The following TSPAN5 variants were observed in gnomAD, a reference collection of about 807,000 sequenced individuals.
TSPAN5 encodes the protein tetraspanin-5.
A neutral mutation model predicts 37.1 loss-of-function variants in TSPAN5; 10 were observed. That is an observed-to-expected ratio of 0.27 (90% confidence interval 0.17 to 0.46). The LOEUF (loss-of-function observed/expected upper bound fraction) is 0.46. Among genes scored for constraint, TSPAN5 ranks in the 20% least tolerant of loss-of-function variants. The pLI is 1.00. For synonymous variants in TSPAN5, 110 were observed against 118.9 expected (o/e 0.93, Z 0.48); for missense variants, 195 against 326.6 (o/e 0.60, Z 3.11).
At chr4:98,580,937 C>CA (rs963517321) in intron 1 of TSPAN5, among the ~76,000 whole-genome samples, 42 of 152,260 alleles carry the variant, frequency 2.8e-4, no homozygotes, top group African/African-American at 9.4e-4. Context: ...GCTAGATCTC[C>CA]ACTTTCTCCT....
chr4:98,592,421 GT>G (rs1204813183), intron 1 of TSPAN5, among the ~76,000 whole-genome samples: 1 of 95,280 alleles, frequency 1.0e-5, no homozygotes, highest in Admixed American at 1.2e-4. Flanking sequence ...AGGGATCTCT[GT>G]TTTTTGTTTT....
At chr4:98,561,757 TG>T (rs1204267522) in intron 1 of TSPAN5, among the ~76,000 whole-genome samples, 1 of 152,254 alleles carries the variant, frequency 6.6e-6, no homozygotes, top group African/African-American at 2.4e-5. Flanking sequence ...TGTTATGCGC[TG>T]AGCACTACTA....
At chr4:98,579,455 G>T (rs962770157) in intron 1 of TSPAN5, among the ~76,000 whole-genome samples, 2 of 152,168 alleles carry the variant, frequency 1.3e-5, no homozygotes, top group Non-Finnish European at 1.5e-5. Context: ...TGTACAGGAA[G>T]GATTCATGGT....
At chr4:98,555,409 G>T (rs1457702652) in intron 1 of TSPAN5, among the ~76,000 whole-genome samples, 1 of 152,158 alleles carries the variant, frequency 6.6e-6, no homozygotes, top group African/African-American at 2.4e-5. Context: ...GTTTGTTTGA[G>T]ATGATAACTC....
chr4:98,629,542 G>A (rs1309538882), intron 1 of TSPAN5, among the ~76,000 whole-genome samples: 4 of 152,108 alleles, frequency 2.6e-5, no homozygotes, highest in Non-Finnish European at 5.9e-5. Flanking sequence ...CAGTCTCCTG[G>A]TCTTTTATCC....
At chr4:98,496,566 A>G (rs56226734) in intron 2 of TSPAN5, 12,969 of 152,138 alleles carry the variant, frequency 0.085, 678 homozygotes, top group African/African-American at 0.13. Flanking sequence ...AGAAGAGGAG[A>G]AGGAGGGGTA....
chr4:98,477,071 C>G (rs1752718846), intron 5 of TSPAN5, among the ~76,000 whole-genome samples: 1 of 152,204 alleles, frequency 6.6e-6, no homozygotes, highest in South Asian at 2.1e-4. Context: ...AAGGAATGAG[C>G]TAGCTCTGCC....
chr4:98,571,023 G>A (rs1755106757), intron 1 of TSPAN5, among the ~76,000 whole-genome samples: 1 of 150,588 alleles, frequency 6.6e-6, no homozygotes. Flanking sequence ...AAAAAAAAAA[G>A]AAATCCATGT....
chr4:98,561,127 G>T (rs1250518506), intron 1 of TSPAN5, among the ~76,000 whole-genome samples: 1 of 152,210 alleles, frequency 6.6e-6, no homozygotes, highest in African/African-American at 2.4e-5. Context: ...AGTGGTAGGT[G>T]TCACTTCTGA....
At chr4:98,645,544 T>A (rs987884839) in intron 1 of TSPAN5, among the ~76,000 whole-genome samples, 1 of 152,204 alleles carries the variant, frequency 6.6e-6, no homozygotes, top group Non-Finnish European at 1.5e-5. Flanking sequence ...CCCATGCCAC[T>A]TGTATGCATA....
intron 1 of TSPAN5, among the ~76,000 whole-genome samples, chr4:98,558,570 G>A (rs976046007): frequency 6.6e-6 from 1 of 152,218 alleles, no homozygotes. Context: ...CAATCGATGG[G>A]CTGCTTTTGA....
intron 4 of TSPAN5, among the ~76,000 whole-genome samples, chr4:98,480,001 T>G (rs1009137034): frequency 4.6e-5 from 7 of 152,214 alleles, no homozygotes; most frequent in South Asian, 2.1e-4. Context: ...AATAATAAAT[T>G]CTGGTATATC....
At chr4:98,541,209 C>T (rs891872263) in intron 1 of TSPAN5, among the ~76,000 whole-genome samples, 1 of 152,152 alleles carries the variant, frequency 6.6e-6, no homozygotes, top group Non-Finnish European at 1.5e-5. Context: ...CCTAAGATTA[C>T]CTGGTACAGG....
At chr4:98,512,010 C>G (rs113451498) in intron 1 of TSPAN5, among the ~76,000 whole-genome samples, 31 of 152,168 alleles carry the variant, frequency 2.0e-4, no homozygotes, top group Non-Finnish European at 3.7e-4. Flanking sequence ...GTCAAGAGAT[C>G]GAGACCATCC....
At chr4:98,589,159 T>C (rs1280614395) in intron 1 of TSPAN5, among the ~76,000 whole-genome samples, 3 of 152,178 alleles carry the variant, frequency 2.0e-5, no homozygotes, top group East Asian at 1.9e-4. Context: ...GATTAGTACA[T>C]GCTGGAAACA....
chr4:98,554,380 G>A (rs1363624425), intron 1 of TSPAN5, among the ~76,000 whole-genome samples: 1 of 151,720 alleles, frequency 6.6e-6, no homozygotes, highest in African/African-American at 2.4e-5. Flanking sequence ...GTGAAGCTCA[G>A]TGTCTCATAC....
chr4:98,576,289 A>G (rs914891386), intron 1 of TSPAN5, among the ~76,000 whole-genome samples: 2 of 152,226 alleles, frequency 1.3e-5, no homozygotes, highest in Admixed American at 6.5e-5. Context: ...TCAACCTGCA[A>G]TGTTACAAAA....
At chr4:98,517,034 C>T (rs1753750809) in intron 1 of TSPAN5, among the ~76,000 whole-genome samples, 1 of 152,198 alleles carries the variant, frequency 6.6e-6, no homozygotes, top group Admixed American at 6.5e-5. Context: ...TGTAGCAACA[C>T]CACAAAACAG....
At chr4:98,649,641 T>C (rs372749403) in intron 1 of TSPAN5, among the ~76,000 whole-genome samples, 9 of 152,210 alleles carry the variant, frequency 5.9e-5, no homozygotes, top group African/African-American at 2.2e-4. Context: ...ATAACAACTT[T>C]GCAGAAAATT....
Sources: allele counts gnomAD v4.1 joint callset (sites outside exome capture counted in the v4.1 genomes callset), GRCh38; gene constraint gnomAD v4.1.1; transcripts MANE v1.5; gene names NCBI Gene and HGNC (gene_info 2026-07-23, HGNC 2026-07-21).